The following CSMD1 variants were observed in gnomAD, a reference collection of about 807,000 sequenced individuals.
CSMD1 encodes CUB and Sushi multiple domains 1, also known as CUB and sushi domain-containing protein 1.
A neutral mutation model predicts 417.5 loss-of-function variants in CSMD1; 213 were observed. The ratio of observed to expected loss-of-function variants is 0.51; its 90% CI spans 0.46 to 0.57. CSMD1 has a LOEUF of 0.57. CSMD1 is among the 20% of genes least tolerant of loss of function. The probability of loss-of-function intolerance (pLI) is 0.00; values close to 1 mark genes in which losing one functional copy is unlikely to be tolerated. For synonymous variants in CSMD1, 2,862 were observed against 1,736.8 expected (o/e 1.65, Z -16.11); for missense variants, 6,923 against 4,529.7 (o/e 1.53, Z -15.17).
chr8:4,534,975 A>G (rs1797030227), intron 2 of CSMD1, among the ~76,000 whole-genome samples: 1 of 152,082 alleles, frequency 6.6e-6, no homozygotes, highest in Non-Finnish European at 1.5e-5. Context: ...GTTAGCCAGG[A>G]TGGTCTCGAT....
chr8:4,020,140 T>A (rs1194631746), intron 4 of CSMD1, among the ~76,000 whole-genome samples: 3 of 152,278 alleles, frequency 2.0e-5, no homozygotes, highest in South Asian at 4.1e-4. Flanking sequence ...CCATTTTACC[T>A]GGGTTATGCC....
At chr8:3,509,885 G>A (rs539482011) in intron 10 of CSMD1, among the ~76,000 whole-genome samples, 3 of 152,108 alleles carry the variant, frequency 2.0e-5, no homozygotes, top group Admixed American at 6.5e-5. Context: ...TGGTAAAGGG[G>A]AACTCATGCC....
intron 21 of CSMD1, among the ~76,000 whole-genome samples, chr8:3,348,602 T>C (rs1446727902): frequency 6.6e-6 from 1 of 152,184 alleles, no homozygotes. Flanking sequence ...TCTTATGGCA[T>C]CAACTGGGAC....
intron 3 of CSMD1, among the ~76,000 whole-genome samples, chr8:4,225,486 T>C (rs1801292127): frequency 2.0e-5 from 3 of 149,044 alleles, no homozygotes; most frequent in Non-Finnish European, 3.0e-5. Context: ...TTCAAGTTTA[T>C]ATAAAGCAAC....
chr8:3,491,517 A>G (rs1055690530), intron 11 of CSMD1, among the ~76,000 whole-genome samples: 1 of 152,162 alleles, frequency 6.6e-6, no homozygotes, highest in African/African-American at 2.4e-5. Flanking sequence ...CATGATTTCA[A>G]TTATGCTTAT....
chr8:4,714,463 C>G (rs77970043), intron 1 of CSMD1, among the ~76,000 whole-genome samples: 1 of 152,126 alleles, frequency 6.6e-6, no homozygotes, highest in Non-Finnish European at 1.5e-5. Flanking sequence ...AATACATAAG[C>G]GCTTTCATAT....
chr8:3,456,283 C>T (rs1563056214), intron 12 of CSMD1, among the ~76,000 whole-genome samples: 1 of 125,432 alleles, frequency 8.0e-6, no homozygotes, highest in African/African-American at 3.1e-5. Context: ...CCTTGCCCTG[C>T]TTCAGCTCAT....
intron 8 of CSMD1, among the ~76,000 whole-genome samples, chr8:3,608,844 A>C (rs1801750602): frequency 6.6e-6 from 1 of 152,046 alleles, no homozygotes; most frequent in South Asian, 2.1e-4. Flanking sequence ...TGCCAATTAC[A>C]ACATGACACA....
chr8:4,612,173 G>A (rs575412622), intron 2 of CSMD1, among the ~76,000 whole-genome samples: 5 of 152,130 alleles, frequency 3.3e-5, no homozygotes, highest in Admixed American at 1.3e-4. Flanking sequence ...TGGCTTGAAC[G>A]CTGAGTGCTA....
At chr8:4,392,357 G>A (rs1377233635) in intron 3 of CSMD1, among the ~76,000 whole-genome samples, 1 of 152,134 alleles carries the variant, frequency 6.6e-6, no homozygotes, top group Non-Finnish European at 1.5e-5. Flanking sequence ...ACATGAGGAG[G>A]AGCAGTAAAG....
intron 2 of CSMD1, among the ~76,000 whole-genome samples, chr8:4,432,471 T>G (rs534251823): frequency 3.3e-5 from 5 of 152,188 alleles, no homozygotes; most frequent in Non-Finnish European, 5.9e-5. Flanking sequence ...AACTCAAGTA[T>G]CAATTACCCT....
At chr8:3,597,972 A>C (rs536239475) in intron 8 of CSMD1, among the ~76,000 whole-genome samples, 2 of 152,316 alleles carry the variant, frequency 1.3e-5, no homozygotes, top group South Asian at 4.1e-4. Context: ...GTACCCCAGA[A>C]CTTAAGGTAT....
At chr8:4,253,654 A>G (rs549377170) in intron 3 of CSMD1, among the ~76,000 whole-genome samples, 46 of 152,288 alleles carry the variant, frequency 3.0e-4, no homozygotes, top group Admixed American at 1.1e-3. Context: ...CTTAATAGAC[A>G]CACAATCGTT....
rs763511048 is a variant in CSMD1, at chr8:4,248,246, G to C, written c.415+171707C>G. On this transcript the variant is annotated intron_variant, in intron 3 of 69. Coordinates refer to ENST00000635120, the MANE Select transcript of CSMD1 (RefSeq NM_033225.6). ...GCAGACAGTTGGCAGGACTAGTCCA[G>C]GAACATTCAAGTCTTAATTTCTAGT... 2.3e-3 allele frequency among the ~76,000 whole-genome samples: 355 copies of C among 152,054 alleles called. 8 individuals are homozygous for C. Among genetic ancestry groups the C allele is most frequent in the Non-Finnish European group, 6.0e-4 (41 of 68,020 alleles).
intron 52 of CSMD1, among the ~76,000 whole-genome samples, chr8:3,000,828 C>T (rs1366203917): frequency 1.3e-5 from 2 of 152,054 alleles, no homozygotes; most frequent in African/African-American, 4.8e-5. Context: ...CAGGAAGGAG[C>T]GCGAGATCGC....
chr8:4,689,982 G>A (rs1478625892), intron 1 of CSMD1, among the ~76,000 whole-genome samples: 1 of 152,152 alleles, frequency 6.6e-6, no homozygotes, highest in Non-Finnish European at 1.5e-5. Context: ...TAAGCGTAGT[G>A]CTAAAGAATC....
intron 10 of CSMD1, among the ~76,000 whole-genome samples, chr8:3,512,958 A>G (rs7840695): frequency 0.34 from 52,189 of 151,834 alleles, 11,828 homozygotes; most frequent in African/African-American, 0.63. Context: ...CACAGATAGC[A>G]AAAATATAGA....
chr8:3,230,102 T>C lies in CSMD1; in HGVS notation c.4283A>G (p.Lys1428Arg). 1 of 1,613,664 alleles carries C rather than the reference T, an allele frequency of 6.2e-7. No individual in the cohort carries two copies. The highest frequency in any genetic ancestry group is 8.5e-7 in the Non-Finnish European group (1 of 1,179,716). Reference sequence around the variant, plus strand: ...GTTATTCAGCTGCACACAGGTGATTTTGGCTTGTCCTTGGAGCTGATAGCC... The same window carrying C: ...GTTATTCAGCTGCACACAGGTGATTCTGGCTTGTCCTTGGAGCTGATAGCC... Reference protein sequence around the residue: ...DPGYQLQGQAKITCVQLNNRF... With the variant: ...DPGYQLQGQARITCVQLNNRF... The change falls in exon 27 of 70, where the codon AAA (lysine) becomes AGA (arginine). Residue 1428 changes from lysine to arginine, a missense_variant. Transcript: ENST00000635120.
intron 1 of CSMD1, among the ~76,000 whole-genome samples, chr8:4,953,668 C>T (rs1469188041): frequency 1.3e-5 from 2 of 152,134 alleles, no homozygotes; most frequent in East Asian, 3.9e-4. Flanking sequence ...ATGTTATTCA[C>T]ATTAAGAAAA....
Sources: gnomAD v4.1 joint callset for allele counts (sites outside exome capture counted in the v4.1 genomes callset) on GRCh38, gnomAD v4.1.1 for gene constraint, MANE v1.5 for transcripts, NCBI Gene and HGNC (gene_info 2026-07-23, HGNC 2026-07-21) for gene names.